RBMXL1: variants seen among roughly 807,000 people sequenced by gnomAD.
RBMXL1 encodes RNA binding motif protein, X-linked-like-1.
A neutral mutation model predicts 29.0 loss-of-function variants in RBMXL1; 18 were observed. The ratio of observed to expected loss-of-function variants is 0.62; its 90% CI spans 0.43 to 0.92. The LOEUF (loss-of-function observed/expected upper bound fraction) is 0.92. Among genes scored for constraint, RBMXL1 ranks in the 40% least tolerant of loss-of-function variants. The pLI is 0.00. For synonymous variants in RBMXL1, 141 were observed against 170.4 expected, an observed-to-expected ratio of 0.83 and a Z score of 1.34; for missense variants, 403 against 495.8, an observed-to-expected ratio of 0.81 and a Z score of 1.78.
In RBMXL1 at chr1:88,981,735, G is replaced by T; in HGVS notation, c.*919C>A. On this transcript the variant is annotated 3_prime_UTR_variant, in exon 3 of 3. Coordinates refer to ENST00000652648, the MANE Select transcript of RBMXL1 (RefSeq NM_001162536.3). The stretch of plus-strand genomic sequence containing the variant: ...TCAATCAGCACTCCACAAACATAAT[G>T]AGCACAATCTTCAACCATCTTTGCT... 1.7e-5 allele frequency: 3 copies of T among 180,472 alleles called. No homozygotes were observed. In the South Asian group the frequency reaches 4.9e-4, roughly 29 times the overall value. The allele number at this position is 180,472 out of a possible 1,614,324, so 11.2% of individuals were successfully genotyped here.
At chr1:88,992,012 T>C (rs1677830238) in intron 1 of RBMXL1, among the ~76,000 whole-genome samples, 1 of 147,868 alleles carries the variant, frequency 6.8e-6, no homozygotes, top group Non-Finnish European at 1.5e-5. Context: ...GGAGTCTTGC[T>C]CTGTCGCCCA....
intron 2 of RBMXL1, among the ~76,000 whole-genome samples, chr1:88,986,636 A>G: frequency 6.6e-6 from 1 of 152,226 alleles, no homozygotes; most frequent in South Asian, 2.1e-4. Context: ...AAATTAGAGA[A>G]TATGTAAAAT....
Position 88,984,028 on chromosome 1 carries a change from T to C in RBMXL1, c.-202A>G. On this transcript the variant is annotated 5_prime_UTR_variant, in exon 3 of 3. Transcript: ENST00000652648. The stretch of plus-strand genomic sequence containing the variant: ...TCAAAAAACCAGGAAAATTACTTTC[T>C]TTTGCCACTAGATGGCAGAGGAAAA... 6.1e-6 allele frequency: 3 copies of C among 491,512 alleles called. No homozygotes were observed. The highest frequency in any genetic ancestry group is 1.1e-5 in the Non-Finnish European group (3 of 261,612). The allele number at this position is 491,512 out of a possible 1,614,324, so 30.4% of individuals were successfully genotyped here.
intron 1 of RBMXL1, among the ~76,000 whole-genome samples, chr1:88,991,122 G>A (rs547230000): frequency 6.6e-6 from 1 of 152,266 alleles, no homozygotes; most frequent in South Asian, 2.1e-4. Context: ...ATTATCAACG[G>A]TTTAGACTGT....
In RBMXL1 at chr1:88,983,320, T is replaced by G; in HGVS notation, c.507A>C (p.Gly169=). The change falls in exon 3 of 3, where the codon GGA becomes GGC. Residue 169 remains glycine, a synonymous_variant. Coordinates refer to ENST00000652648, the MANE Select transcript of RBMXL1 (RefSeq NM_001162536.3). ...GPSPKRSAPS[G]LVRSSSGMGG... ...CCATTCCACTGCTGCTGCGAACTAG[T>G]CCTGAAGGTGCAGATCTCTTAGGAG... 1 of 1,586,426 alleles carries G rather than the reference T, an allele frequency of 6.3e-7. No individual in the cohort carries two copies. The highest frequency in any genetic ancestry group is 8.6e-7 in the Non-Finnish European group (1 of 1,167,974).
At chr1:88,991,982 G>GT (rs1368135539) in intron 1 of RBMXL1, among the ~76,000 whole-genome samples, 6 of 21,048 alleles carry the variant, frequency 2.9e-4, no homozygotes, top group African/African-American at 1.4e-3. Flanking sequence ...GTATTCTTTT[G>GT]GTTTTTTTTT....
In RBMXL1 at chr1:88,980,142, C is replaced by T. The variant is rs905002492; in HGVS notation, c.*2512G>A. 2 of 152,244 alleles carry T rather than the reference C, an allele frequency of 1.3e-5. No individual in the cohort carries two copies. The highest frequency in any genetic ancestry group is 2.4e-5 in the African/African-American group (1 of 41,414). 9.4% of individuals were successfully genotyped at this position (152,244 alleles called of 1,614,324 possible). On this transcript the variant is annotated 3_prime_UTR_variant, in exon 3 of 3. Coordinates refer to ENST00000652648, the MANE Select transcript of RBMXL1 (RefSeq NM_001162536.3). ...GCAAACTAATATATGGTGACAAAGA[C>T]AAATCAGCAGCGTGAGGGATGGACT...
Position 88,983,978 on chromosome 1 carries a change from T to C in RBMXL1, c.-152A>G. ...CGCTAGCACTACTGCGCAATCTGGATGCTTTTTAAGGTATGGCTATCCATT... is the reference window on the plus strand; with the variant it reads ...CGCTAGCACTACTGCGCAATCTGGACGCTTTTTAAGGTATGGCTATCCATT... On this transcript the variant is annotated 5_prime_UTR_variant, in exon 3 of 3. Transcript: ENST00000652648. 1.5e-6 allele frequency: 1 copy of C among 667,344 alleles called. No individual in the cohort carries two copies. The highest frequency in any genetic ancestry group is 2.5e-6 in the Non-Finnish European group (1 of 395,220). The allele number at this position is 667,344 out of a possible 1,614,324, so 41.3% of individuals were successfully genotyped here.
In RBMXL1 at chr1:88,983,354, C is replaced by T. The variant is rs200081893; in HGVS notation, c.473G>A (p.Gly158Glu). The T allele has an allele frequency of 4.4e-5, 65 of 1,481,772 alleles. No individual in the cohort carries two copies. The highest frequency in any genetic ancestry group is 5.9e-5 in the Non-Finnish European group (64 of 1,092,254). The allele number at this position is 1,481,772 out of a possible 1,614,324, so 91.8% of individuals were successfully genotyped here. A position where few individuals can be genotyped will look rare whatever the true frequency, so the allele number is the denominator to read the frequency against. Residue 158 changes from glycine (G) to glutamate (E), a missense_variant, in exon 3 of 3, where the codon GGG becomes GAG. By Grantham distance (98) the Gly-to-Glu change is moderately conservative. Coordinates refer to ENST00000652648, the MANE Select transcript of RBMXL1 (RefSeq NM_001162536.3). ...TGCAGATCTCTTAGGAGAAGGACCC[C>T]CACTTCTTGGTGGTGGTCCTCTTTT... ...PVKRGPPPRS[G>E]GPSPKRSAPS... is the part of the protein sequence containing the mutation.
In RBMXL1 at chr1:88,983,500, A is replaced by G; in HGVS notation, c.327T>C (p.Phe109=). ...PPRSRGPPRG[F]GAGRGGSGGT... Reference sequence around the variant, plus strand: ...CTCCACTTCCTCCTCTTCCAGCTCCAAAACCTCTTGGAGGACCTCTACTTC... The same window carrying G: ...CTCCACTTCCTCCTCTTCCAGCTCCGAAACCTCTTGGAGGACCTCTACTTC... Residue 109 remains phenylalanine, a synonymous_variant, in exon 3 of 3, where the codon TTT becomes TTC. Transcript: ENST00000652648. 1 of 1,613,996 alleles carries G rather than the reference A, an allele frequency of 6.2e-7. No homozygotes were observed. The highest frequency in any genetic ancestry group is 1.3e-5 in the African/African-American group (1 of 74,892).
At chr1:88,988,022 C>T (rs984719209) in intron 2 of RBMXL1, among the ~76,000 whole-genome samples, 21 of 152,088 alleles carry the variant, frequency 1.4e-4, no homozygotes, top group African/African-American at 4.8e-4. Context: ...TTTGTGAAGA[C>T]AAAATGAGGT....
rs769686471 is a variant in RBMXL1, at chr1:88,982,862, C to T, written c.965G>A (p.Gly322Glu). ...GCTGCTTGAGTAACTGTCTCGACTT[C>T]CACCATATCCATCACGTGAGCTGCT... ...DYSSSRDGYGGSRDSYSSSRS... is the reference protein window; with the variant it reads ...DYSSSRDGYGESRDSYSSSRS... Residue 322 changes from glycine (G) to glutamate (E), a missense_variant, in exon 3 of 3, where the codon GGA (glycine) becomes GAA (glutamate). Gly to Glu is a moderately conservative substitution (Grantham distance 98). Coordinates refer to ENST00000652648, the MANE Select transcript of RBMXL1 (RefSeq NM_001162536.3). 9.9e-6 allele frequency: 16 copies of T among 1,613,870 alleles called. No homozygotes were observed. Among genetic ancestry groups the T allele is most frequent in the African/African-American group, 4.0e-5 (3 of 74,918 alleles).
At position 88,983,217 on chromosome 1, in the gene RBMXL1, C is replaced by T. The variant is rs768867558; in HGVS notation, c.610G>A (p.Asp204Asn). The change falls in exon 3 of 3, where the codon GAT becomes AAT. Residue 204 changes from aspartate to asparagine, a missense_variant. Physicochemically the swap from Asp to Asn is conservative, Grantham distance 23 (BLOSUM62 1). Coordinates refer to ENST00000652648, the MANE Select transcript of RBMXL1 (RefSeq NM_001162536.3). ...PRREPLPSRR[D>N]VYLSPRDDGY... ...TCATCTCTTGGGGACAAATAAACATCTCTACGAGAGGGGAGCGGTTCCCTT... is the reference window on the plus strand; with the variant it reads ...TCATCTCTTGGGGACAAATAAACATTTCTACGAGAGGGGAGCGGTTCCCTT... 6.2e-6 allele frequency: 10 copies of T among 1,613,028 alleles called. No homozygotes were observed. Among genetic ancestry groups the T allele is most frequent in the Non-Finnish European group, 8.5e-6 (10 of 1,180,008 alleles).
rs1677120411 is a variant in RBMXL1, at chr1:88,982,124, C to T, written c.*530G>A. Reference sequence around the variant, plus strand: ...TATCCATTTGCTTTTTTTGGGTTTACTGGGTGAATAGCACTTTCCTTACAT... The same window carrying T: ...TATCCATTTGCTTTTTTTGGGTTTATTGGGTGAATAGCACTTTCCTTACAT... On this transcript the variant is annotated 3_prime_UTR_variant, in exon 3 of 3. Transcript: ENST00000652648. 1 of 982,488 alleles carries T rather than the reference C, an allele frequency of 1.0e-6. No homozygotes were observed. Among genetic ancestry groups the T allele is most frequent in the Non-Finnish European group, 1.2e-6 (1 of 826,580 alleles). 60.9% of individuals were successfully genotyped at this position (982,488 alleles called of 1,614,324 possible).
At chr1:88,986,923 T>A (rs919070772) in intron 2 of RBMXL1, among the ~76,000 whole-genome samples, 1 of 152,248 alleles carries the variant, frequency 6.6e-6, no homozygotes, top group African/African-American at 2.4e-5. Flanking sequence ...AAGCCTCTGA[T>A]GAACTGTAGA....
In RBMXL1 at chr1:88,983,747, A is replaced by G. The variant is rs765622096; in HGVS notation, c.80T>C (p.Val27Ala). The change falls in exon 3 of 3, where the codon GTA (valine) becomes GCA (alanine). Residue 27 changes from valine (V) to alanine (A), a missense_variant. Transcript: ENST00000652648. The part of the protein sequence containing the change: ...TETNEKALET[V>A]FGKYGRIVEV... ...CACTATTCGTCCATATTTGCCAAATACTGTTTCAAGAGCTTTCTCATTTGT... is the reference window on the plus strand; with the variant it reads ...CACTATTCGTCCATATTTGCCAAATGCTGTTTCAAGAGCTTTCTCATTTGT... The G allele has an allele frequency of 6.2e-7, 1 of 1,614,026 alleles. No individual in the cohort carries two copies.
At chr1:88,987,720 A>G (rs1677545629) in intron 2 of RBMXL1, among the ~76,000 whole-genome samples, 1 of 152,222 alleles carries the variant, frequency 6.6e-6, no homozygotes, top group African/African-American at 2.4e-5. Context: ...TACTTGGCAT[A>G]TTATCTAAAA....
intron 2 of RBMXL1, among the ~76,000 whole-genome samples, chr1:88,985,503 C>G (rs1677401867): frequency 6.6e-6 from 1 of 152,348 alleles, no homozygotes; most frequent in African/African-American, 2.4e-5. Context: ...AAAAACACAC[C>G]TACGTTCCAA....
At chr1:88,985,410 G>A (rs1453157741) in intron 2 of RBMXL1, among the ~76,000 whole-genome samples, 3 of 152,176 alleles carry the variant, frequency 2.0e-5, no homozygotes, top group Admixed American at 1.3e-4. Context: ...TGTTTCTTCT[G>A]GGCACATGAA....
Sources: gnomAD v4.1 joint callset for allele counts (sites outside exome capture counted in the v4.1 genomes callset) on GRCh38, gnomAD v4.1.1 for gene constraint, MANE v1.5 for transcripts, NCBI Gene and HGNC (gene_info 2026-07-23, HGNC 2026-07-21) for gene names.